The following EVA1C variants were observed in gnomAD, a reference collection of about 807,000 sequenced individuals.
EVA1C encodes eva-1 homolog C, also known as protein eva-1 homolog C.
A neutral mutation model predicts 45.4 loss-of-function variants in EVA1C; 25 were observed. The observed-to-expected ratio is 0.55, with a 90% CI of 0.40 to 0.77. EVA1C has a LOEUF of 0.77. Among genes scored for constraint, EVA1C ranks in the 30% least tolerant of loss-of-function variants. The pLI, the probability that EVA1C is intolerant of heterozygous loss-of-function variation, is 0.00. For synonymous variants in EVA1C, 190 were observed against 221.2 expected (o/e 0.86, Z 1.25); for missense variants, 479 against 554.8 (o/e 0.86, Z 1.37).
intron 1 of EVA1C, among the ~76,000 whole-genome samples, chr21:32,426,697 C>T (rs1185308881): frequency 6.6e-6 from 1 of 152,116 alleles, no homozygotes; most frequent in African/African-American, 2.4e-5. Context: ...TCGACGGACT[C>T]CTCTGAAATG....
chr21:32,478,686 C>T (rs2036668827), intron 4 of EVA1C, among the ~76,000 whole-genome samples: 1 of 144,318 alleles, frequency 6.9e-6, no homozygotes, highest in Non-Finnish European at 1.5e-5. Context: ...ACAGCATTTT[C>T]ACATGAGACA....
chr21:32,500,942 T>C (rs1275909739), intron 5 of EVA1C, among the ~76,000 whole-genome samples: 5 of 152,138 alleles, frequency 3.3e-5, no homozygotes, highest in Admixed American at 1.3e-4. Flanking sequence ...GCCTCCCAAG[T>C]AGCTGGGATT....
Position 32,484,613 on chromosome 21 carries a change from G to C in EVA1C, c.635-10414G>C, listed in dbSNP as rs117622888. 5.8e-3 allele frequency among the ~76,000 whole-genome samples: 876 copies of C among 152,200 alleles called. 5 individuals are homozygous for C. Among genetic ancestry groups the C allele is most frequent in the Non-Finnish European group, 8.0e-3 (542 of 68,018 alleles). On this transcript the variant is annotated intron_variant, in intron 4 of 7. Transcript: ENST00000300255. ...ATGCAACTCACATGTGTCACCCGGG[G>C]TTCTGTCAACCTTTTAAGTTACCTG... is the stretch of plus-strand genomic sequence containing the variant.
At chr21:32,498,950 T>C (rs905443841) in intron 5 of EVA1C, among the ~76,000 whole-genome samples, 32 of 152,308 alleles carry the variant, frequency 2.1e-4, no homozygotes, top group Admixed American at 5.9e-4. Context: ...TTGACAACGG[T>C]GATTTTAAAG....
Position 32,412,776 on chromosome 21 carries a change from G to A in EVA1C, c.-78G>A. 2 of 1,273,320 alleles carry A rather than the reference G, an allele frequency of 1.6e-6. No homozygotes were observed. The highest frequency in any genetic ancestry group is 4.2e-5 in the Admixed American group (1 of 23,758). 78.9% of individuals were successfully genotyped at this position (1,273,320 alleles called of 1,614,324 possible). A position where few individuals can be genotyped will look rare whatever the true frequency, so the allele number is the denominator to read the frequency against. ...GAGCCGCTGGCCATCGATTCTCCCC[G>A]CCATGTGACGCCGTCCTTAGCCCTG... On this transcript the variant is annotated 5_prime_UTR_variant, in exon 1 of 8. Coordinates refer to ENST00000300255, the MANE Select transcript of EVA1C (RefSeq NM_058187.5).
intron 1 of EVA1C, among the ~76,000 whole-genome samples, chr21:32,446,574 G>A (rs979122023): frequency 6.6e-6 from 1 of 152,156 alleles, no homozygotes; most frequent in African/African-American, 2.4e-5. Context: ...TCAGTGGCAT[G>A]ACTCTGCCCA....
intron 1 of EVA1C, among the ~76,000 whole-genome samples, chr21:32,429,010 A>T (rs2034593022): frequency 6.6e-6 from 1 of 151,800 alleles, no homozygotes; most frequent in South Asian, 2.1e-4. Context: ...TCCTCAATTT[A>T]TTTTTATTTA....
At chr21:32,432,403 G>A (rs1252319550) in intron 1 of EVA1C, among the ~76,000 whole-genome samples, 1 of 149,280 alleles carries the variant, frequency 6.7e-6, no homozygotes, top group Admixed American at 6.6e-5. Context: ...CCTTAAAGCA[G>A]AACAGAAGAA....
At chr21:32,506,864 G>A (rs775516054) in intron 7 of EVA1C, among the ~76,000 whole-genome samples, 72 of 152,318 alleles carry the variant, frequency 4.7e-4, no homozygotes, top group Admixed American at 1.2e-3. Context: ...CCCACTGTGG[G>A]GATGTGACCC....
At chr21:32,446,191 C>T (rs570494073) in intron 1 of EVA1C, among the ~76,000 whole-genome samples, 3 of 151,658 alleles carry the variant, frequency 2.0e-5, no homozygotes, top group South Asian at 2.1e-4. Context: ...TGCAGTGAGC[C>T]GAGATTGTGC....
At position 32,457,736 on chromosome 21, in the gene EVA1C, G is replaced by A. The variant is rs774264250; in HGVS notation, c.481+16G>A. Reference sequence around the variant, plus strand: ...TGCCAACCTAGTAAGTAACTTCGGAGGGGGACAGTGTGTTTGGGGTGTGGT... The same window carrying A: ...TGCCAACCTAGTAAGTAACTTCGGAAGGGGACAGTGTGTTTGGGGTGTGGT... On this transcript the variant is annotated intron_variant, in intron 3 of 7. Transcript: ENST00000300255. 2 of 1,613,992 alleles carry A rather than the reference G, an allele frequency of 1.2e-6. No individual in the cohort carries two copies. The highest frequency in any genetic ancestry group is 2.2e-5 in the South Asian group (2 of 91,078).
chr21:32,470,278 A>C lies in EVA1C; in HGVS notation c.634+2430A>C, dbSNP rs774750924. On this transcript the variant is annotated intron_variant, in intron 4 of 7. Transcript: ENST00000300255. Reference sequence around the variant, plus strand: ...GTGAGTCTCAAGAGAAAACAAAAAAAGCCATTTGGAACACGTGCCTCCCAA... The same window carrying C: ...GTGAGTCTCAAGAGAAAACAAAAAACGCCATTTGGAACACGTGCCTCCCAA... Among the ~76,000 whole-genome samples the C allele has an allele frequency of 2.6e-5, 4 of 152,398 alleles. 1 individual carries two copies. The highest frequency in any genetic ancestry group is 3.4e-3 in the Middle Eastern group (1 of 294).
At chr21:32,451,768 T>C (rs1009825913) in intron 1 of EVA1C, among the ~76,000 whole-genome samples, 1 of 152,210 alleles carries the variant, frequency 6.6e-6, no homozygotes, top group African/African-American at 2.4e-5. Flanking sequence ...CAGATGGCTG[T>C]CTTCCCTCTG....
chr21:32,462,040 A>G (rs2036016831), intron 3 of EVA1C, among the ~76,000 whole-genome samples: 1 of 152,092 alleles, frequency 6.6e-6, no homozygotes, highest in African/African-American at 2.4e-5. Context: ...CATGGAGTTG[A>G]GCTCAGCAGT....
intron 1 of EVA1C, among the ~76,000 whole-genome samples, chr21:32,451,342 C>T (rs976652429): frequency 3.3e-5 from 5 of 152,166 alleles, no homozygotes; most frequent in East Asian, 1.9e-4. Context: ...TCCTCCCAGC[C>T]GCCTCGCTGT....
At position 32,468,018 on chromosome 21, in the gene EVA1C, G is replaced by T. The variant is rs572652888; in HGVS notation, c.634+170G>T. ...ATACTTAATAAACTCCCGTGTGTGT[G>T]TGTATGTATATATATATAAATGCTT... On this transcript the variant is annotated intron_variant, in intron 4 of 7. Coordinates refer to ENST00000300255, the MANE Select transcript of EVA1C (RefSeq NM_058187.5). 7 of 337,680 alleles carry T rather than the reference G, an allele frequency of 2.1e-5. No homozygotes were observed. The East Asian group carries it at 2.6e-4, about 13-fold the overall frequency. 20.9% of individuals were successfully genotyped at this position (337,680 alleles called of 1,614,324 possible). A position where few individuals can be genotyped will look rare whatever the true frequency, so the allele number is the denominator to read the frequency against.
intron 1 of EVA1C, among the ~76,000 whole-genome samples, chr21:32,441,097 C>G (rs2035158376): frequency 6.6e-6 from 1 of 151,970 alleles, no homozygotes; most frequent in African/African-American, 2.4e-5. Context: ...AGTGAAACTC[C>G]CTCTCAAAAA....
intron 1 of EVA1C, among the ~76,000 whole-genome samples, chr21:32,440,573 T>C (rs1241408876): frequency 6.6e-6 from 1 of 152,178 alleles, no homozygotes; most frequent in East Asian, 1.9e-4. Flanking sequence ...ACGCAGCACA[T>C]TTAGAGTAAC....
At chr21:32,501,983 CTTTTCTTTCTT>C (rs1481388955) in intron 6 of EVA1C, among the ~76,000 whole-genome samples, 24 of 139,006 alleles carry the variant, frequency 1.7e-4, no homozygotes, top group Non-Finnish European at 3.3e-4. Flanking sequence ...CTCTCTCGCT[CTTTTCTTTCTT>C]TCTTTCTTTC....
Sources: allele counts gnomAD v4.1 joint callset (sites outside exome capture counted in the v4.1 genomes callset), GRCh38; gene constraint gnomAD v4.1.1; transcripts MANE v1.5; gene names NCBI Gene and HGNC (gene_info 2026-07-23, HGNC 2026-07-21).